Variants in GGCT observed in about 807,000 individuals in gnomAD.
The protein encoded by GGCT is cytochrome c-releasing factor 21.
A neutral mutation model predicts 22.1 loss-of-function variants in GGCT; 20 were observed. That is an observed-to-expected ratio of 0.91 (90% CI 0.64 to 1.32). The LOEUF is 1.32. Among genes scored for constraint, GGCT ranks in the 40% most tolerant of loss-of-function variants. The pLI, the probability that GGCT is intolerant of heterozygous loss-of-function variation, is 0.00. For missense variants in GGCT, 209 were observed against 223.5 expected (o/e 0.94, Z 0.41); for synonymous variants, 72 against 78.4 (o/e 0.92, Z 0.43).
intron 2 of GGCT, 40 bp from the exon 3 acceptor site, chr7:30,498,978 A>G: frequency 6.2e-7 from 1 of 1,601,146 alleles, no homozygotes; most frequent in African/African-American, 1.3e-5. Context: ...CATTTGACCT[A>G]GCCAATTTAG....
Position 30,496,860 on chromosome 7 carries a change from T to C in GGCT, c.*232A>G. ...CTTTCAGTGTTCACAGAAGGGGTACTCACATTCATTTGTCACATATTTCAG... is the reference window on the plus strand; with the variant it reads ...CTTTCAGTGTTCACAGAAGGGGTACCCACATTCATTTGTCACATATTTCAG... On this transcript the variant is annotated 3_prime_UTR_variant, in exon 4 of 4. Coordinates refer to ENST00000275428, the MANE Select transcript of GGCT (RefSeq NM_024051.4). 1 of 320,458 alleles carries C rather than the reference T, an allele frequency of 3.1e-6. No individual in the cohort carries two copies. Among genetic ancestry groups the C allele is most frequent in the East Asian group, 5.3e-5 (1 of 18,906 alleles). The allele number at this position is 320,458 out of a possible 1,614,324, so 19.9% of individuals were successfully genotyped here. A position where few individuals can be genotyped will look rare whatever the true frequency, so the allele number is the denominator to read the frequency against.
chr7:30,497,200 C>A lies in GGCT; in HGVS notation c.459G>T (p.Pro153=). 1 of 1,610,810 alleles carries A rather than the reference C, an allele frequency of 6.2e-7. No homozygotes were observed. ...ICMGAKENGL[P]LEYQEKLKAI... The stretch of plus-strand genomic sequence containing the variant: ...CTTTTAACTTCTCTTGATACTCCAG[C>A]GGCAAACCATTTTCTTTTGCACCCA... Residue 153 remains proline (P), a synonymous_variant, in exon 4 of 4, where the codon CCG becomes CCT. Transcript: ENST00000275428.
chr7:30,498,438 T>C (rs38407), intron 3 of GGCT, among the ~76,000 whole-genome samples: 97,633 of 152,002 alleles, frequency 0.64, 32,218 homozygotes, highest in Non-Finnish European at 0.72. Context: ...TTAGAAATTT[T>C]TTTGAGAGTG....
chr7:30,504,053 C>T (rs1789766119), intron 1 of GGCT, among the ~76,000 whole-genome samples: 1 of 152,140 alleles, frequency 6.6e-6, no homozygotes, highest in South Asian at 2.1e-4. Context: ...GATTTACCAA[C>T]ACTGGTTATA....
At chr7:30,501,418 C>T (rs1583949586) in intron 1 of GGCT, among the ~76,000 whole-genome samples, 1 of 152,144 alleles carries the variant, frequency 6.6e-6, no homozygotes, top group African/African-American at 2.4e-5. Flanking sequence ...TAATTATGGA[C>T]CATTCCGTTT....
At chr7:30,504,516 C>T (rs918768857) in intron 1 of GGCT, 53 bp downstream of exon 1, 7 of 1,602,336 alleles carry the variant, frequency 4.4e-6, no homozygotes, top group Non-Finnish European at 6.0e-6. Flanking sequence ...CCCGAGGAAG[C>T]GCCTTCTGGG....
At chr7:30,498,340 A>AT (rs753162644) in intron 3 of GGCT, among the ~76,000 whole-genome samples, 61 of 152,010 alleles carry the variant, frequency 4.0e-4, no homozygotes, top group Non-Finnish European at 8.1e-4. Flanking sequence ...CATTAGGTAA[A>AT]TAACTATCAT....
At chr7:30,499,184 G>A in intron 2 of GGCT, 2 of 463,800 alleles carry the variant, frequency 4.3e-6, no homozygotes, top group South Asian at 4.2e-5. Flanking sequence ...GGCTGAGGTG[G>A]ATCACTTGAG....
At chr7:30,499,544 A>C (rs1789646044) in intron 2 of GGCT, among the ~76,000 whole-genome samples, 1 of 151,702 alleles carries the variant, frequency 6.6e-6, no homozygotes, top group African/African-American at 2.4e-5. Flanking sequence ...TCTCTACTAA[A>C]AAAAAAACAC....
chr7:30,497,471 T>C (rs1341646857), intron 3 of GGCT: 2 of 376,878 alleles, frequency 5.3e-6, no homozygotes, highest in Non-Finnish European at 9.3e-6. Context: ...ACTTTCTCAA[T>C]ATATGATTTT....
chr7:30,501,738 T>C (rs915205765), intron 1 of GGCT, among the ~76,000 whole-genome samples: 2 of 152,218 alleles, frequency 1.3e-5, no homozygotes, highest in Admixed American at 6.5e-5. Context: ...TATAGATAAA[T>C]TTAAAAAGTT....
Position 30,504,769 on chromosome 7 carries a change from C to A in GGCT, c.-60G>T. ...GAGTGTAAGGAACGGCCAGAGAGCG[C>A]AACACTGGGGCCCACTACCCCGGCG... On this transcript the variant is annotated 5_prime_UTR_variant, in exon 1 of 4. Coordinates refer to ENST00000275428, the MANE Select transcript of GGCT (RefSeq NM_024051.4). 3 of 1,555,210 alleles carry A rather than the reference C, an allele frequency of 1.9e-6. No homozygotes were observed. The highest frequency in any genetic ancestry group is 2.2e-5 in the South Asian group (2 of 89,496).
chr7:30,496,669 C>T lies in GGCT; in HGVS notation c.*423G>A, dbSNP rs1789538845. 1.3e-5 allele frequency: 2 copies of T among 153,028 alleles called. No individual in the cohort carries two copies. Among genetic ancestry groups the T allele is most frequent in the Non-Finnish European group, 2.9e-5 (2 of 68,690 alleles). 9.5% of individuals were successfully genotyped at this position (153,028 alleles called of 1,614,324 possible). On this transcript the variant is annotated 3_prime_UTR_variant, in exon 4 of 4. Transcript: ENST00000275428. ...CTCTAAAAACAGTATACCATCTTTC[C>T]AATTTTCAAAATGTTATTATCAATT...
At position 30,497,113 on chromosome 7, in the gene GGCT, C is replaced by G. The variant is rs149674505; in HGVS notation, c.546G>C (p.Lys182Asn). ...VSEEIEDIIK[K>N]GETQTL is the part of the protein sequence containing the mutation. ...TGTTCTAAAGAGTTTGTGTTTCCCC[C>G]TTTTTGATGATGTCTTCAATTTCTT... is the stretch of plus-strand genomic sequence containing the variant. The change falls in exon 4 of 4, where the codon AAG (lysine) becomes AAC (asparagine). Residue 182 changes from lysine (K) to asparagine (N), a missense_variant. Coordinates refer to ENST00000275428, the MANE Select transcript of GGCT (RefSeq NM_024051.4). 218 of 1,600,680 alleles carry G rather than the reference C, an allele frequency of 1.4e-4. No homozygotes were observed. The highest frequency in any genetic ancestry group is 6.7e-5 in the Admixed American group (4 of 59,614).
intron 1 of GGCT, among the ~76,000 whole-genome samples, 200 bp downstream of exon 1, chr7:30,504,369 C>T (rs1227476323): frequency 3.3e-5 from 5 of 152,260 alleles, no homozygotes; most frequent in South Asian, 4.1e-4. Context: ...CCAGGCAGCC[C>T]GAGAGGGCAC....
rs1396262011 is a variant in GGCT, at chr7:30,498,799, T to C, written c.423+4A>G. 3 of 1,610,354 alleles carry C rather than the reference T, an allele frequency of 1.9e-6. No homozygotes were observed. Among genetic ancestry groups the C allele is most frequent in the Non-Finnish European group, 2.5e-6 (3 of 1,177,072 alleles). On this transcript the variant is annotated splice_donor_region_variant and intron_variant, in intron 3 of 3. Transcript: ENST00000275428. The stretch of plus-strand genomic sequence containing the variant: ...TAATCACCACCAGTCTGTAAATAGC[T>C]TACCTTTTTATACTGTGGGGATGGG...
intron 1 of GGCT, among the ~76,000 whole-genome samples, chr7:30,502,545 G>C (rs774666141): frequency 8.5e-5 from 13 of 152,164 alleles, no homozygotes; most frequent in Non-Finnish European, 1.8e-4. Flanking sequence ...ATATTATTCT[G>C]TTCACTTGAC....
intron 1 of GGCT, among the ~76,000 whole-genome samples, chr7:30,503,556 G>A (rs1583952340): frequency 6.6e-6 from 1 of 152,206 alleles, no homozygotes; most frequent in Non-Finnish European, 1.5e-5. Context: ...CTGCAGGGAT[G>A]TACAGAGGCA....
rs1313380586 is a variant in GGCT at position 30,500,583 on chromosome 7, C to T, written c.240G>A (p.Trp80Ter). 2 of 1,613,676 alleles carry T rather than the reference C, an allele frequency of 1.2e-6. No homozygotes were observed. Among genetic ancestry groups the T allele is most frequent in the African/African-American group, 1.3e-5 (1 of 74,918 alleles). ...TTTTGTTCATTTTCCATACTACTCC[C>T]CACACTTCATCGCCAGGACTCTGAA... ...TIFQSPGDEV[W>*]GVVWKMNKSN... Residue 80 changes from tryptophan (W) to a stop codon, truncating the protein, a stop_gained, in exon 2 of 4, where the codon TGG (tryptophan) becomes TGA (stop). Transcript: ENST00000275428. LOFTEE classifies it high-confidence loss of function.
Sources: gnomAD v4.1 joint callset for allele counts (sites outside exome capture counted in the v4.1 genomes callset) on GRCh38, gnomAD v4.1.1 for gene constraint, MANE v1.5 for transcripts, NCBI Gene and HGNC (gene_info 2026-07-23, HGNC 2026-07-21) for gene names.